CFAP299: variants seen among roughly 807,000 people sequenced by gnomAD.
The protein encoded by CFAP299 is cilia and flagella associated protein 299.
In CFAP299, 21 loss-of-function variants were observed where a neutral mutation model predicts 27.0. That is an observed-to-expected ratio of 0.78 (90% CI 0.55 to 1.12). CFAP299 has a LOEUF of 1.12. Among genes scored for constraint, CFAP299 ranks in the 50% most tolerant of loss-of-function variants. The probability of loss-of-function intolerance (pLI) is 0.00; values close to 1 mark genes in which losing one functional copy is unlikely to be tolerated. For synonymous variants in CFAP299, 104 were observed against 98.1 expected (o/e 1.06, Z -0.36); for missense variants, 310 against 276.6 (o/e 1.12, Z -0.86).
chr4:80,904,798 G>T (rs143438253), intron 4 of CFAP299, among the ~76,000 whole-genome samples: 2 of 152,274 alleles, frequency 1.3e-5, no homozygotes, highest in Non-Finnish European at 2.9e-5. Flanking sequence ...AGTGAGAAGG[G>T]TGGAACCTTC....
chr4:80,359,105 T>C (rs1331400351), intron 1 of CFAP299, among the ~76,000 whole-genome samples: 1 of 152,156 alleles, frequency 6.6e-6, no homozygotes, highest in Non-Finnish European at 1.5e-5. Context: ...TATGAAATTC[T>C]GGTTTGGATT....
chr4:80,845,742 T>C (rs1350293062), intron 3 of CFAP299, among the ~76,000 whole-genome samples: 1 of 152,174 alleles, frequency 6.6e-6, no homozygotes, highest in African/African-American at 2.4e-5. Flanking sequence ...CAGCACAGTA[T>C]CTCTGCCTAT....
chr4:80,586,703 A>G (rs781449079), intron 3 of CFAP299, among the ~76,000 whole-genome samples: 17 of 151,702 alleles, frequency 1.1e-4, no homozygotes, highest in Non-Finnish European at 1.9e-4. Context: ...TTCAAATGGT[A>G]GTAAACTAAG....
At chr4:80,428,319 A>G (rs2110076085) in intron 2 of CFAP299, among the ~76,000 whole-genome samples, 1 of 152,278 alleles carries the variant, frequency 6.6e-6, no homozygotes, top group Non-Finnish European at 1.5e-5. Context: ...ATGTCTTTTT[A>G]GAAAAAGCCT....
intron 1 of CFAP299, among the ~76,000 whole-genome samples, chr4:80,359,901 G>C (rs943357794): frequency 5.3e-5 from 8 of 152,180 alleles, no homozygotes; most frequent in South Asian, 4.1e-4. Flanking sequence ...AGGCACTCTG[G>C]CTTTTTAAGT....
intron 3 of CFAP299, among the ~76,000 whole-genome samples, chr4:80,727,647 A>C (rs1394491142): frequency 2.6e-5 from 4 of 152,078 alleles, no homozygotes; most frequent in African/African-American, 4.8e-5. Flanking sequence ...TTTAAAGCAT[A>C]AAATACTGTC....
intron 2 of CFAP299, chr4:80,388,147 G>C (rs150621949): frequency 3.0e-6 from 2 of 670,526 alleles, no homozygotes; most frequent in Non-Finnish European, 5.5e-6. Flanking sequence ...CCAGGCTGTG[G>C]GGTGGAGGTG....
intron 4 of CFAP299, among the ~76,000 whole-genome samples, chr4:80,903,557 T>C: frequency 6.6e-6 from 1 of 152,198 alleles, no homozygotes. Context: ...GATATTACTA[T>C]TATTATTTGG....
At chr4:80,605,956 TTCTGCCTGACCATGAAAG>T (rs1450821578) in intron 3 of CFAP299, among the ~76,000 whole-genome samples, 1 of 152,208 alleles carries the variant, frequency 6.6e-6, no homozygotes, top group African/African-American at 2.4e-5. Context: ...GTAGGACAGC[TTCTGCCTGACCATGAAAG>T]TCCTCTTAGG....
At chr4:80,524,012 A>C (rs1345640192) in intron 2 of CFAP299, among the ~76,000 whole-genome samples, 2 of 152,156 alleles carry the variant, frequency 1.3e-5, no homozygotes, top group Admixed American at 6.5e-5. Flanking sequence ...GTTAATACTG[A>C]AACAGTCACT....
intron 3 of CFAP299, among the ~76,000 whole-genome samples, chr4:80,821,063 T>C (rs570300199): frequency 1.6e-4 from 25 of 152,180 alleles, no homozygotes; most frequent in Non-Finnish European, 3.2e-4. Flanking sequence ...GTGTCAAAGA[T>C]GATCACAGAC....
At chr4:80,796,760 A>C (rs1418339618) in intron 3 of CFAP299, among the ~76,000 whole-genome samples, 1 of 152,184 alleles carries the variant, frequency 6.6e-6, no homozygotes, top group Non-Finnish European at 1.5e-5. Context: ...TGATGGTGGC[A>C]CCAATCTCTG....
At chr4:80,329,770 G>A in the CFAP299 span, among the ~76,000 whole-genome samples, 1 of 151,988 alleles carries the variant, frequency 6.6e-6, no homozygotes, top group Non-Finnish European at 1.5e-5. Flanking sequence ...AGTACCTGAC[G>A]AGCTTTGATA....
At chr4:80,496,540 C>G (rs1032708660) in intron 2 of CFAP299, among the ~76,000 whole-genome samples, 3 of 152,188 alleles carry the variant, frequency 2.0e-5, no homozygotes, top group Non-Finnish European at 4.4e-5. Flanking sequence ...ACCATTTAAG[C>G]AGTCTCTAAA....
chr4:80,775,242 A>G (rs1456638305), intron 3 of CFAP299, among the ~76,000 whole-genome samples: 1 of 151,860 alleles, frequency 6.6e-6, no homozygotes, highest in African/African-American at 2.4e-5. Context: ...TAACATAGGG[A>G]TATATTTGTA....
intron 3 of CFAP299, among the ~76,000 whole-genome samples, chr4:80,811,525 T>G (rs1306816047): frequency 6.6e-6 from 1 of 152,170 alleles, no homozygotes; most frequent in East Asian, 1.9e-4. Flanking sequence ...GGCCACGGGT[T>G]TGATCTCCTT....
intron 2 of CFAP299, among the ~76,000 whole-genome samples, chr4:80,478,851 A>C (rs1730416114): frequency 6.6e-6 from 1 of 151,588 alleles, no homozygotes; most frequent in Non-Finnish European, 1.5e-5. Context: ...ATGGGTTCGC[A>C]TACATTTTAA....
intron 2 of CFAP299, among the ~76,000 whole-genome samples, chr4:80,439,380 G>T (rs555150268): frequency 6.6e-6 from 1 of 152,282 alleles, no homozygotes; most frequent in Admixed American, 6.5e-5. Flanking sequence ...TTAGACAGTG[G>T]GTGCAGCCCA....
intron 3 of CFAP299, among the ~76,000 whole-genome samples, chr4:80,696,155 G>C (rs558440371): frequency 1.3e-5 from 2 of 151,904 alleles, no homozygotes; most frequent in Admixed American, 1.3e-4. Context: ...CAAAAAATTA[G>C]CCTGGCATGG....
Sources: gnomAD v4.1 joint callset for allele counts (sites outside exome capture counted in the v4.1 genomes callset) on GRCh38, gnomAD v4.1.1 for gene constraint, MANE v1.5 for transcripts, NCBI Gene and HGNC (gene_info 2026-07-23, HGNC 2026-07-21) for gene names.